The following NRAP variants were observed in gnomAD, a reference collection of about 807,000 sequenced individuals.
The protein encoded by NRAP is nebulin-related-anchoring protein.
Under a neutral mutation model 225.9 loss-of-function variants are expected in NRAP, and 189 were observed. The observed-to-expected ratio is 0.84, with a 90% CI of 0.74 to 0.94. The LOEUF is 0.94. NRAP is among the 40% of genes least tolerant of loss of function. The pLI, the probability that NRAP is intolerant of heterozygous loss-of-function variation, is 0.00. For synonymous variants in NRAP, 769 were observed against 790.7 expected (o/e 0.97, Z 0.46); for missense variants, 2,176 against 2,168.7 (o/e 1.00, Z -0.07).
chr10:113,649,156 T>A (rs923580206), intron 9 of NRAP, among the ~76,000 whole-genome samples: 22 of 152,304 alleles, frequency 1.4e-4, no homozygotes, highest in African/African-American at 5.1e-4. Flanking sequence ...TGGCAGACAT[T>A]TTCAAAGGAG....
chr10:113,658,896 AAAAG>A (rs1554872138), intron 3 of NRAP, among the ~76,000 whole-genome samples: 1 of 151,242 alleles, frequency 6.6e-6, no homozygotes, highest in Non-Finnish European at 1.5e-5. Flanking sequence ...AAAAAAAAAA[AAAAG>A]AAAGAAAGAA....
At chr10:113,634,001 G>T (rs1848716632) in intron 15 of NRAP, 111 bp downstream of exon 15, 1 of 734,488 alleles carries the variant, frequency 1.4e-6, no homozygotes, top group Non-Finnish European at 2.4e-6. Context: ...GCTGTAATAA[G>T]ACATGTGTCA....
rs192275798 is a variant in NRAP, at chr10:113,624,162, A to G, written c.2350-526T>C. Among the ~76,000 whole-genome samples the G allele has an allele frequency of 1.9e-3, 290 of 152,214 alleles. 1 individual carries two copies. Among genetic ancestry groups the G allele is most frequent in the African/African-American group, 6.8e-3 (282 of 41,522 alleles). ...CCTTTCCCTTTCTGCATGTGAATCA[A>G]TTTAACCTCTGTTTCTCCTCCCAAT... On this transcript the variant is annotated intron_variant, in intron 22 of 41. Coordinates refer to ENST00000359988, the MANE Select transcript of NRAP (RefSeq NM_198060.4).
chr10:113,629,190 C>A (rs897439280), intron 19 of NRAP, among the ~76,000 whole-genome samples, 169 bp from the exon 20 acceptor site: 4 of 152,176 alleles, frequency 2.6e-5, no homozygotes, highest in Admixed American at 2.6e-4. Flanking sequence ...GCCACCGGGC[C>A]CACCTTGTAA....
chr10:113,607,587 G>T (rs756112460), intron 32 of NRAP, among the ~76,000 whole-genome samples: 102 of 152,216 alleles, frequency 6.7e-4, no homozygotes, highest in Admixed American at 6.5e-4. Context: ...ATTTAAAAGT[G>T]ATACTATCAC....
At chr10:113,617,762 C>T (rs1335005263) in intron 25 of NRAP, among the ~76,000 whole-genome samples, 1 of 152,114 alleles carries the variant, frequency 6.6e-6, no homozygotes, top group Non-Finnish European at 1.5e-5. Context: ...TAAAGTATTT[C>T]TACCTGGTGC....
chr10:113,608,542 C>T lies in NRAP; in HGVS notation c.3604-30G>A, dbSNP rs148595573. 9.6e-5 allele frequency: 137 copies of T among 1,423,906 alleles called. No individual in the cohort carries two copies. In the East Asian group the frequency reaches 9.8e-4, roughly 10 times the overall value. 88.2% of individuals were successfully genotyped at this position (1,423,906 alleles called of 1,614,324 possible). On this transcript the variant is annotated intron_variant, in intron 31 of 41. Coordinates refer to ENST00000359988, the MANE Select transcript of NRAP (RefSeq NM_198060.4). ...ATTCACACACAAGAAGGGAAGAAGACGACTCCGTAAGGGATAAAAACCAGA... is the reference window on the plus strand; with the variant it reads ...ATTCACACACAAGAAGGGAAGAAGATGACTCCGTAAGGGATAAAAACCAGA...
intron 36 of NRAP, 49 bp from the exon 37 acceptor site, chr10:113,597,233 C>A (rs758571837): frequency 1.7e-6 from 2 of 1,189,104 alleles, no homozygotes; most frequent in Non-Finnish European, 2.5e-6. Flanking sequence ...CAACATCATG[C>A]ATCTTTCAGG....
In NRAP at chr10:113,629,515, G is replaced by C. The variant is rs1848464474; in HGVS notation, c.2040+73C>G. ...AAGTTATGTAATAGACTCGTGCACAGGTTTGAAATCACTCTGAAAGCATGT... is the reference window on the plus strand; with the variant it reads ...AAGTTATGTAATAGACTCGTGCACACGTTTGAAATCACTCTGAAAGCATGT... On this transcript the variant is annotated intron_variant, in intron 19 of 41. Coordinates refer to ENST00000359988, the MANE Select transcript of NRAP (RefSeq NM_198060.4). 2.8e-6 allele frequency: 3 copies of C among 1,074,112 alleles called. No homozygotes were observed. The Admixed American group carries it at 5.2e-5, about 19-fold the overall frequency. The allele number at this position is 1,074,112 out of a possible 1,614,324, so 66.5% of individuals were successfully genotyped here. A position where few individuals can be genotyped will look rare whatever the true frequency, so the allele number is the denominator to read the frequency against.
In NRAP at chr10:113,626,037, C is replaced by G; in HGVS notation, c.2244+10G>C. On this transcript the variant is annotated intron_variant, in intron 21 of 41. Coordinates refer to ENST00000359988, the MANE Select transcript of NRAP (RefSeq NM_198060.4). ...GCAGCTTGGTGGAGAAAGGGCAGCC[C>G]AGGACTCACCCCGCTCTGTAGCTCC... The G allele has an allele frequency of 1.9e-6, 3 of 1,599,268 alleles. No individual in the cohort carries two copies. Among genetic ancestry groups the G allele is most frequent in the Non-Finnish European group, 2.6e-6 (3 of 1,171,866 alleles).
At chr10:113,593,026 ATCT>A (rs1300278668) in intron 38 of NRAP, among the ~76,000 whole-genome samples, 2 of 152,060 alleles carry the variant, frequency 1.3e-5, no homozygotes, top group Admixed American at 6.6e-5. Context: ...AGGCATCAAA[ATCT>A]TCTGTGCCTT....
intron 6 of NRAP, among the ~76,000 whole-genome samples, chr10:113,652,595 GAATAAA>G (rs1352233822): frequency 6.9e-6 from 1 of 145,486 alleles, no homozygotes; most frequent in Non-Finnish European, 1.5e-5. Context: ...AGTGAGCCAA[GAATAAA>G]AATAAAAATA....
intron 7 of NRAP, 150 bp from the exon 8 acceptor site, chr10:113,650,695 A>T: frequency 1.6e-6 from 1 of 643,088 alleles, no homozygotes; most frequent in Non-Finnish European, 2.8e-6. Context: ...GGCCATGTGC[A>T]TCTTATTCAT....
chr10:113,644,259 C>T (rs3121472), intron 11 of NRAP, among the ~76,000 whole-genome samples: 25,009 of 151,578 alleles, frequency 0.16, 2,599 homozygotes, highest in Admixed American at 0.3. Context: ...TCTCTACCAC[C>T]CAGAATTAGA....
intron 4 of NRAP, among the ~76,000 whole-genome samples, chr10:113,654,977 T>C (rs1029908532): frequency 6.6e-6 from 1 of 152,120 alleles, no homozygotes; most frequent in South Asian, 2.1e-4. Flanking sequence ...CTGGGTTTGA[T>C]TGGACACAAG....
chr10:113,608,259 T>C (rs1306046354), intron 32 of NRAP, among the ~76,000 whole-genome samples, 155 bp downstream of exon 32: 3 of 152,238 alleles, frequency 2.0e-5, no homozygotes, highest in Admixed American at 1.3e-4. Flanking sequence ...TCATTTCCTC[T>C]GGAAAATGTT....
chr10:113,618,973 G>T (rs1847824999), intron 25 of NRAP, among the ~76,000 whole-genome samples: 1 of 152,076 alleles, frequency 6.6e-6, no homozygotes, highest in South Asian at 2.1e-4. Flanking sequence ...ATAAAAGAAG[G>T]TGGCCCAATT....
At chr10:113,615,433 G>C (rs534637064) in intron 27 of NRAP, among the ~76,000 whole-genome samples, 1 of 152,234 alleles carries the variant, frequency 6.6e-6, no homozygotes, top group South Asian at 2.1e-4. Context: ...CCACTTTCCA[G>C]CTCCTCCAAA....
chr10:113,608,367 C>A (rs553850433), intron 32 of NRAP, 47 bp downstream of exon 32: 2 of 1,140,260 alleles, frequency 1.8e-6, no homozygotes, highest in African/African-American at 1.5e-5. Context: ...TTTTAACAAT[C>A]GAGCAGTTTT....
Sources: gnomAD v4.1 joint callset for allele counts (sites outside exome capture counted in the v4.1 genomes callset) on GRCh38, gnomAD v4.1.1 for gene constraint, MANE v1.5 for transcripts, NCBI Gene and HGNC (gene_info 2026-07-23, HGNC 2026-07-21) for gene names.